Variants in NRXN1 observed in about 807,000 individuals in gnomAD.
The protein encoded by NRXN1 is neurexin-1.
In NRXN1, 39 loss-of-function variants were observed where a neutral mutation model predicts 150.9. The ratio of observed to expected loss-of-function variants is 0.26; its 90% confidence interval spans 0.20 to 0.34. The LOEUF (loss-of-function observed/expected upper bound fraction) is 0.34, where lower values mean the gene tolerates loss of function less well. NRXN1 is among the 10% of genes least tolerant of loss of function. NRXN1 has a pLI of 1.00. For synonymous variants in NRXN1, 924 were observed against 757.0 expected (o/e 1.22, Z -3.62); for missense variants, 1,815 against 1,949.9 (o/e 0.93, Z 1.30).
chr2:50,411,545 G>T (rs1006339331), intron 17 of NRXN1, among the ~76,000 whole-genome samples: 7 of 151,342 alleles, frequency 4.6e-5, no homozygotes, highest in Non-Finnish European at 7.4e-5. Context: ...TGTGAAGAGC[G>T]CCTCTGCCCG....
intron 18 of NRXN1, among the ~76,000 whole-genome samples, chr2:50,216,883 T>C (rs1411437742): frequency 6.6e-6 from 1 of 152,074 alleles, no homozygotes; most frequent in African/African-American, 2.4e-5. Context: ...AAGTTCTAAA[T>C]TATACACAGT....
chr2:49,922,531 C>G (rs1427878178), intron 22 of NRXN1, among the ~76,000 whole-genome samples: 1 of 152,002 alleles, frequency 6.6e-6, no homozygotes, highest in Non-Finnish European at 1.5e-5. Context: ...CCAATTAGCT[C>G]TAAAGGGCCA....
rs543766215 is a variant in NRXN1, at chr2:50,816,372, G to A, written c.832+105497C>T. On this transcript the variant is annotated intron_variant, in intron 5 of 22. Coordinates refer to ENST00000401669, the MANE Select transcript of NRXN1 (RefSeq NM_001330078.2). ...AGAATGAAGCCAGGAGCCTTATGCTGAGAGAATAGGAATGTTCAATGGGTT... is the reference window on the plus strand; with the variant it reads ...AGAATGAAGCCAGGAGCCTTATGCTAAGAGAATAGGAATGTTCAATGGGTT... Among the ~76,000 whole-genome samples the A allele has an allele frequency of 2.6e-4, 39 of 152,112 alleles. No homozygotes were observed. The South Asian group carries it at 4.4e-3, about 17-fold the overall frequency.
chr2:50,230,838 T>C (rs1310335544), intron 18 of NRXN1, among the ~76,000 whole-genome samples: 1 of 152,054 alleles, frequency 6.6e-6, no homozygotes, highest in East Asian at 1.9e-4. Flanking sequence ...ACCTCCCACA[T>C]AATAAACTAT....
At chr2:50,291,077 T>C (rs2072865019) in intron 17 of NRXN1, among the ~76,000 whole-genome samples, 1 of 151,824 alleles carries the variant, frequency 6.6e-6, no homozygotes, top group Non-Finnish European at 1.5e-5. Flanking sequence ...TAGTGTATGC[T>C]TACTGTCGGA....
Position 50,373,928 on chromosome 2 carries a change from C to G in NRXN1, c.3364+91514G>C, listed in dbSNP as rs148201533. Among the ~76,000 whole-genome samples, 1,010 of 151,970 alleles carry G rather than the reference C, an allele frequency of 6.6e-3. 12 individuals are homozygous for G. The highest frequency in any genetic ancestry group is 0.058 in the South Asian group (279 of 4,812). Reference sequence around the variant, plus strand: ...ATTTGCAGGTAGATAAGGAAAAGCTCCAGATTTGCTTCAAAATGATGCAGT... The same window carrying G: ...ATTTGCAGGTAGATAAGGAAAAGCTGCAGATTTGCTTCAAAATGATGCAGT... On this transcript the variant is annotated intron_variant, in intron 17 of 22. Transcript: ENST00000401669.
intron 21 of NRXN1, among the ~76,000 whole-genome samples, chr2:49,963,142 A>G (rs1394075132): frequency 6.6e-6 from 1 of 152,128 alleles, no homozygotes; most frequent in East Asian, 1.9e-4. Flanking sequence ...TCAATCCTCA[A>G]ATCCTGCAGA....
chr2:50,343,465 A>G (rs2077701483), intron 17 of NRXN1, among the ~76,000 whole-genome samples: 2 of 128,454 alleles, frequency 1.6e-5, no homozygotes, highest in African/African-American at 8.5e-5. Context: ...ATTTAACTAG[A>G]AAAAAAAAAC....
chr2:50,507,109 G>C (rs2092262800), intron 12 of NRXN1, among the ~76,000 whole-genome samples: 1 of 152,150 alleles, frequency 6.6e-6, no homozygotes, highest in Non-Finnish European at 1.5e-5. Context: ...AGTGAGATAA[G>C]TCTCCCAGTA....
At chr2:50,389,895 A>T (rs534656223) in intron 17 of NRXN1, among the ~76,000 whole-genome samples, 1 of 152,322 alleles carries the variant, frequency 6.6e-6, no homozygotes, top group East Asian at 1.9e-4. Flanking sequence ...ATTGCTGGTT[A>T]TACTTGGTGA....
At position 50,506,525 on chromosome 2, in the gene NRXN1, A is replaced by C; in HGVS notation, c.2467T>G (p.Leu823Val). 6.2e-7 allele frequency: 1 copy of C among 1,612,586 alleles called. No homozygotes were observed. Among genetic ancestry groups the C allele is most frequent in the Non-Finnish European group, 8.5e-7 (1 of 1,179,222 alleles). Reference protein sequence around the residue: ...RVVRRGKSLKLTVDDQQAMTG... With the variant: ...RVVRRGKSLKVTVDDQQAMTG... ...ATGGCCTGTTGGTCATCCACTGTTA[A>C]CTTTAAACTTTTTCCACGCCGAACT... The change falls in exon 13 of 23, where the codon TTA (leucine) becomes GTA (valine). Residue 823 changes from leucine (L) to valine (V), a missense_variant. Leu to Val is a conservative substitution (Grantham distance 32, BLOSUM62 1). Around this residue, in one of 6 missense-constraint regions of NRXN1, gnomAD observed 638 missense variants for 652.6 expected, o/e 0.98. Coordinates refer to ENST00000401669, the MANE Select transcript of NRXN1 (RefSeq NM_001330078.2).
intron 17 of NRXN1, among the ~76,000 whole-genome samples, chr2:50,341,464 T>A (rs558244035): frequency 2.0e-5 from 3 of 152,322 alleles, no homozygotes; most frequent in African/African-American, 7.2e-5. Context: ...TGGTCTCATT[T>A]ATTCTTCACT....
intron 5 of NRXN1, among the ~76,000 whole-genome samples, chr2:50,820,088 G>T (rs2105819087): frequency 6.6e-6 from 1 of 151,974 alleles, no homozygotes; most frequent in South Asian, 2.1e-4. Context: ...ACATTTTTAA[G>T]AACCCATGAT....
intron 17 of NRXN1, among the ~76,000 whole-genome samples, chr2:50,428,879 C>G (rs1196553426): frequency 6.6e-6 from 1 of 152,128 alleles, no homozygotes; most frequent in African/African-American, 2.4e-5. Flanking sequence ...GCCAATGTCA[C>G]ACAGCTTCTA....
chr2:50,772,853 T>C (rs959536984), intron 5 of NRXN1, among the ~76,000 whole-genome samples: 1 of 152,064 alleles, frequency 6.6e-6, no homozygotes, highest in African/African-American at 2.4e-5. Context: ...TGAGTTAATG[T>C]TTATGGGCTG....
At chr2:50,196,529 AAC>A (rs2061778098) in intron 18 of NRXN1, among the ~76,000 whole-genome samples, 1 of 152,160 alleles carries the variant, frequency 6.6e-6, no homozygotes, top group Non-Finnish European at 1.5e-5. Flanking sequence ...ATCATTAAGG[AAC>A]ACAAATACAT....
In NRXN1 at chr2:50,088,079, T is replaced by G. The variant is rs890141153; in HGVS notation, c.3718+3244A>C. ...GTGGTAAAAGCTCTAATTTAGCTGTTCTTCTAATAAAAATAACCCCAAAAA... is the reference window on the plus strand; with the variant it reads ...GTGGTAAAAGCTCTAATTTAGCTGTGCTTCTAATAAAAATAACCCCAAAAA... On this transcript the variant is annotated intron_variant, in intron 19 of 22. Coordinates refer to ENST00000401669, the MANE Select transcript of NRXN1 (RefSeq NM_001330078.2). Among the ~76,000 whole-genome samples the G allele has an allele frequency of 3.9e-5, 6 of 152,134 alleles. 1 individual carries two copies. Among genetic ancestry groups the G allele is most frequent in the Admixed American group, 3.3e-4 (5 of 15,276 alleles).
At chr2:50,353,714 G>T (rs12475081) in intron 17 of NRXN1, among the ~76,000 whole-genome samples, 2 of 152,002 alleles carry the variant, frequency 1.3e-5, no homozygotes, top group East Asian at 3.9e-4. Context: ...AAGATAATGA[G>T]CTGCGATGTG....
At chr2:50,852,241 T>G (rs1674624733) in intron 5 of NRXN1, among the ~76,000 whole-genome samples, 2 of 152,104 alleles carry the variant, frequency 1.3e-5, no homozygotes, top group Admixed American at 1.3e-4. Context: ...GAAATGCTTT[T>G]TAAATGGGTT....
Sources: gnomAD v4.1 joint callset for allele counts (sites outside exome capture counted in the v4.1 genomes callset) on GRCh38, gnomAD v4.1.1 for gene constraint, gnomAD v4.1.1 regional missense constraint, MANE v1.5 for transcripts, NCBI Gene and HGNC (gene_info 2026-07-23, HGNC 2026-07-21) for gene names.